Variants in SPOCK3 observed in about 807,000 individuals in gnomAD.
SPOCK3 encodes testican-3.
Under a neutral mutation model 56.6 loss-of-function variants are expected in SPOCK3, and 30 were observed. The observed-to-expected ratio is 0.53, with a 90% CI of 0.40 to 0.72. The LOEUF is 0.72. Ranked by LOEUF, SPOCK3 falls within the 30% of genes least tolerant of loss-of-function variation. SPOCK3 has a pLI of 0.00. For synonymous variants in SPOCK3, 196 were observed against 183.3 expected, an observed-to-expected ratio of 1.07 and a Z score of -0.56; for missense variants, 527 against 530.0, an observed-to-expected ratio of 0.99 and a Z score of 0.06.
In SPOCK3 at chr4:166,865,817, G is replaced by C. The variant is rs188504982; in HGVS notation, c.589+23313C>G. ...AATGGAAAAACATTCCATGCTCATG[G>C]ATAGGAAGAATCAATATCATGAAAA... is the stretch of plus-strand genomic sequence containing the variant. On this transcript the variant is annotated intron_variant, in intron 6 of 10. Coordinates refer to ENST00000357545, the MANE Select transcript of SPOCK3 (RefSeq NM_001040159.2). 4.2e-3 allele frequency among the ~76,000 whole-genome samples: 647 copies of C among 152,250 alleles called. 7 individuals carry two copies. Among genetic ancestry groups the C allele is most frequent in the African/African-American group, 0.014 (594 of 41,548 alleles).
intron 6 of SPOCK3, among the ~76,000 whole-genome samples, chr4:166,822,334 G>GT (rs1315432224): frequency 6.6e-6 from 1 of 151,998 alleles, no homozygotes; most frequent in Non-Finnish European, 1.5e-5. Flanking sequence ...ATGTGGATCA[G>GT]TATTTGTCAC....
At chr4:166,982,947 T>C (rs937803615) in intron 4 of SPOCK3, among the ~76,000 whole-genome samples, 1 of 152,182 alleles carries the variant, frequency 6.6e-6, no homozygotes, top group Non-Finnish European at 1.5e-5. Flanking sequence ...CTTCCCTAAG[T>C]TCTTTCCTGA....
intron 7 of SPOCK3, among the ~76,000 whole-genome samples, chr4:166,766,188 C>T (rs192568745): frequency 1.9e-4 from 29 of 152,250 alleles, no homozygotes; most frequent in Non-Finnish European, 4.4e-5. Context: ...TTTCTTCCTC[C>T]TGCCTGATTG....
intron 2 of SPOCK3, among the ~76,000 whole-genome samples, chr4:167,223,035 A>G (rs1221653785): frequency 8.5e-6 from 1 of 117,996 alleles, no homozygotes; most frequent in African/African-American, 3.3e-5. Flanking sequence ...AATATATTAT[A>G]TTTTATATAT....
intron 6 of SPOCK3, among the ~76,000 whole-genome samples, chr4:166,856,260 C>T (rs1290141246): frequency 6.6e-6 from 1 of 151,852 alleles, no homozygotes; most frequent in African/African-American, 2.4e-5. Flanking sequence ...AGAAATAGTG[C>T]TGATGTTCTA....
At chr4:167,123,957 G>A (rs1426215909) in intron 2 of SPOCK3, among the ~76,000 whole-genome samples, 1 of 151,914 alleles carries the variant, frequency 6.6e-6, no homozygotes, top group Non-Finnish European at 1.5e-5. Context: ...ATGTTGGCCA[G>A]GCTGGTCTCG....
At chr4:167,049,376 G>T (rs1356305725) in intron 3 of SPOCK3, among the ~76,000 whole-genome samples, 1 of 152,118 alleles carries the variant, frequency 6.6e-6, no homozygotes, top group African/African-American at 2.4e-5. Flanking sequence ...CTAAAGATTG[G>T]AAGTGAAGTA....
At chr4:166,866,400 G>A (rs1428301359) in intron 6 of SPOCK3, among the ~76,000 whole-genome samples, 1 of 152,104 alleles carries the variant, frequency 6.6e-6, no homozygotes, top group Admixed American at 6.6e-5. Context: ...AACCCCAAAA[G>A]CAATTGCAGC....
chr4:166,975,044 C>T (rs1250956691), intron 4 of SPOCK3, among the ~76,000 whole-genome samples: 1 of 152,084 alleles, frequency 6.6e-6, no homozygotes, highest in Admixed American at 6.5e-5. Flanking sequence ...TCATAAACAG[C>T]CAGTTTAGGC....
At chr4:166,785,823 C>T (rs1740671382) in intron 7 of SPOCK3, among the ~76,000 whole-genome samples, 1 of 152,110 alleles carries the variant, frequency 6.6e-6, no homozygotes, top group Non-Finnish European at 1.5e-5. Flanking sequence ...CAGCTACAGG[C>T]TAATTTATCA....
chr4:167,006,865 T>C (rs1749523865), intron 3 of SPOCK3, among the ~76,000 whole-genome samples: 1 of 152,202 alleles, frequency 6.6e-6, no homozygotes, highest in Admixed American at 6.5e-5. Flanking sequence ...CACATACTCT[T>C]TATCCCTCGC....
At chr4:167,112,517 C>A (rs1007029492) in intron 2 of SPOCK3, among the ~76,000 whole-genome samples, 3 of 152,010 alleles carry the variant, frequency 2.0e-5, no homozygotes, top group African/African-American at 7.2e-5. Context: ...TGCAGGAAAA[C>A]ATAGGGATTG....
intron 4 of SPOCK3, among the ~76,000 whole-genome samples, chr4:166,958,611 T>C (rs1431837692): frequency 2.6e-5 from 4 of 152,134 alleles, no homozygotes; most frequent in Non-Finnish European, 4.4e-5. Context: ...TAGTAAAATA[T>C]ACAGAAGGTG....
intron 4 of SPOCK3, among the ~76,000 whole-genome samples, chr4:166,997,516 A>G (rs10517922): frequency 0.2 from 29,945 of 152,066 alleles, 3,460 homozygotes; most frequent in African/African-American, 0.32. Flanking sequence ...AATTGATCAA[A>G]CTATTTGTCA....
chr4:166,925,352 C>A (rs930117126), intron 4 of SPOCK3, among the ~76,000 whole-genome samples: 7 of 152,024 alleles, frequency 4.6e-5, no homozygotes, highest in African/African-American at 1.7e-4. Context: ...TGACCCTGCT[C>A]TAAGAAATAG....
intron 2 of SPOCK3, among the ~76,000 whole-genome samples, chr4:167,091,635 C>T (rs1041124260): frequency 3.9e-5 from 6 of 152,056 alleles, no homozygotes; most frequent in African/African-American, 1.4e-4. Context: ...ATGTCATATG[C>T]AGTGTCATCA....
At chr4:166,762,845 A>G (rs1158501424) in intron 7 of SPOCK3, among the ~76,000 whole-genome samples, 1 of 152,150 alleles carries the variant, frequency 6.6e-6, no homozygotes, top group Non-Finnish European at 1.5e-5. Flanking sequence ...CTTATCCAAA[A>G]TAAAGCACAT....
intron 2 of SPOCK3, among the ~76,000 whole-genome samples, chr4:167,227,371 T>A (rs1004975874): frequency 6.6e-6 from 1 of 152,172 alleles, no homozygotes; most frequent in African/African-American, 2.4e-5. Flanking sequence ...GAAATTGAAC[T>A]GGCCAATAAA....
Position 166,765,734 on chromosome 4 carries a change from G to T in SPOCK3, c.710-11005C>A, listed in dbSNP as rs181829619. The stretch of plus-strand genomic sequence containing the variant: ...TCCAATTCTGTGAAGAAAGTCATTG[G>T]TAGCTTGATGGGGATGGTATTGAAT... On this transcript the variant is annotated intron_variant, in intron 7 of 10. Coordinates refer to ENST00000357545, the MANE Select transcript of SPOCK3 (RefSeq NM_001040159.2). Among the ~76,000 whole-genome samples the T allele has an allele frequency of 5.2e-3, 795 of 152,318 alleles. 7 individuals carry two copies. Among genetic ancestry groups the T allele is most frequent in the African/African-American group, 0.018 (742 of 41,578 alleles).
Sources: gnomAD v4.1 joint callset for allele counts (sites outside exome capture counted in the v4.1 genomes callset) on GRCh38, gnomAD v4.1.1 for gene constraint, MANE v1.5 for transcripts, NCBI Gene and HGNC (gene_info 2026-07-23, HGNC 2026-07-21) for gene names.